The following CUL2 variants were observed in gnomAD, a reference collection of about 807,000 sequenced individuals.
CUL2 encodes the protein cullin-2.
In CUL2, 22 loss-of-function variants were observed where a neutral mutation model predicts 110.2. The observed-to-expected ratio is 0.20, with a 90% CI of 0.14 to 0.28. The LOEUF is 0.28. Ranked by LOEUF, CUL2 falls within the 10% of genes least tolerant of loss-of-function variation. The probability of loss-of-function intolerance (pLI) is 1.00; values close to 1 mark genes in which losing one functional copy is unlikely to be tolerated. For missense variants in CUL2, 631 were observed against 905.5 expected (o/e 0.70, Z 3.89); for synonymous variants, 279 against 293.2 (o/e 0.95, Z 0.49).
intron 1 of CUL2, among the ~76,000 whole-genome samples, chr10:35,122,725 C>A (rs1262606557): frequency 2.0e-5 from 3 of 152,166 alleles, no homozygotes; most frequent in Admixed American, 6.5e-5. Context: ...GCAACCTCCA[C>A]CCCCTGGGTT....
chr10:35,076,687 AT>A (rs1268419410), intron 1 of CUL2, among the ~76,000 whole-genome samples: 3 of 152,046 alleles, frequency 2.0e-5, no homozygotes, highest in East Asian at 3.8e-4. Flanking sequence ...TAAACATGGT[AT>A]TTTTTTCATC....
chr10:35,102,885 A>G (rs1012983951), intron 1 of CUL2, among the ~76,000 whole-genome samples: 2 of 131,422 alleles, frequency 1.5e-5, no homozygotes, highest in East Asian at 2.0e-4. Context: ...TCTGTCTCAG[A>G]AAAAAAAAAA....
At chr10:35,053,002 ACAGT>A (rs982252843) in intron 5 of CUL2, among the ~76,000 whole-genome samples, 1 of 152,198 alleles carries the variant, frequency 6.6e-6, no homozygotes, top group African/African-American at 2.4e-5. Flanking sequence ...AAAAAGACAG[ACAGT>A]AACAAATAAC....
chr10:35,049,421 T>G (rs1297689495), intron 6 of CUL2, among the ~76,000 whole-genome samples: 1 of 151,462 alleles, frequency 6.6e-6, no homozygotes, highest in Non-Finnish European at 1.5e-5. Context: ...GTCACTTCCC[T>G]CAGATACTTA....
rs541618047 is a variant in CUL2, at chr10:35,108,364, G to A, written c.-50-7304C>T. ...CCCAGCTACTTGGGAGGCTAAGGTG[G>A]GAGGATCACCTGAGCCCAGGAGGTT... is the stretch of plus-strand genomic sequence containing the variant. On this transcript the variant is annotated intron_variant, in intron 1 of 5. Transcript: ENST00000685421. Among the ~76,000 whole-genome samples the A allele has an allele frequency of 6.6e-5, 10 of 151,860 alleles. No individual in the cohort carries two copies. The East Asian group carries it at 1.9e-3, about 29-fold the overall frequency.
chr10:35,096,883 C>T (rs2087306919), intron 2 of CUL2, among the ~76,000 whole-genome samples: 1 of 150,290 alleles, frequency 6.7e-6, no homozygotes, highest in South Asian at 2.1e-4. Flanking sequence ...AATCTCAGCT[C>T]ACTGCAACCT....
Position 35,009,376 on chromosome 10 carries a change from T to C in CUL2, c.*935A>G, listed in dbSNP as rs1016149991. 2 of 151,860 alleles carry C rather than the reference T, an allele frequency of 1.3e-5. No homozygotes were observed. Among genetic ancestry groups the C allele is most frequent in the Admixed American group, 6.6e-5 (1 of 15,214 alleles). The allele number at this position is 151,860 out of a possible 1,614,324, so 9.4% of individuals were successfully genotyped here. A position where few individuals can be genotyped will look rare whatever the true frequency, so the allele number is the denominator to read the frequency against. ...AACTGTTGGAGGAGGGTTGTAAGGGTAACAGGTAGGGGAGGCATATAGAAG... is the reference window on the plus strand; with the variant it reads ...AACTGTTGGAGGAGGGTTGTAAGGGCAACAGGTAGGGGAGGCATATAGAAG... On this transcript the variant is annotated 3_prime_UTR_variant, in exon 21 of 21. Coordinates refer to ENST00000374749, the MANE Select transcript of CUL2 (RefSeq NM_003591.4).
At chr10:35,126,363 G>A (rs1176915865) in intron 1 of CUL2, among the ~76,000 whole-genome samples, 4 of 152,238 alleles carry the variant, frequency 2.6e-5, no homozygotes, top group Non-Finnish European at 5.9e-5. Flanking sequence ...TCAACCAGCT[G>A]TGACTGGCTG....
chr10:35,081,999 T>G (rs147082630), intron 1 of CUL2, among the ~76,000 whole-genome samples: 1 of 152,002 alleles, frequency 6.6e-6, no homozygotes, highest in Non-Finnish European at 1.5e-5. Flanking sequence ...ACACCTCCTG[T>G]TTACAATCCC....
intron 2 of CUL2, among the ~76,000 whole-genome samples, chr10:35,070,885 T>C (rs1423294261): frequency 5.3e-5 from 8 of 152,120 alleles, no homozygotes; most frequent in African/African-American, 9.7e-5. Context: ...GCAATGACAT[T>C]AGATTTTTTT....
intron 12 of CUL2, among the ~76,000 whole-genome samples, 188 bp downstream of exon 12, chr10:35,032,247 T>C (rs1428391961): frequency 1.3e-5 from 2 of 152,196 alleles, no homozygotes; most frequent in African/African-American, 4.8e-5. Context: ...CTTTGTAAAA[T>C]GGTTATTCTT....
At chr10:35,051,545 G>A (rs2086112015) in intron 5 of CUL2, among the ~76,000 whole-genome samples, 2 of 152,228 alleles carry the variant, frequency 1.3e-5, no homozygotes, top group African/African-American at 4.8e-5. Flanking sequence ...CCGGCCGGGC[G>A]GAGCCTGCAG....
At chr10:35,052,812 G>A (rs1300670407) in intron 5 of CUL2, among the ~76,000 whole-genome samples, 1 of 151,136 alleles carries the variant, frequency 6.6e-6, no homozygotes, top group Non-Finnish European at 1.5e-5. Flanking sequence ...GGAGACTAGT[G>A]TGAACCTGGG....
chr10:35,095,748 A>G (rs1283524772), intron 2 of CUL2, among the ~76,000 whole-genome samples: 1 of 152,068 alleles, frequency 6.6e-6, no homozygotes, highest in African/African-American at 2.4e-5. Context: ...TTTAGTAGAG[A>G]CAAGGTTTCA....
chr10:35,071,651 G>A (rs374482510), intron 1 of CUL2, among the ~76,000 whole-genome samples: 22 of 152,142 alleles, frequency 1.4e-4, no homozygotes, highest in East Asian at 9.6e-4. Flanking sequence ...CTCGTGATCC[G>A]CCCACCTTGG....
chr10:35,038,808 TA>T lies in CUL2; in HGVS notation c.877+111del, dbSNP rs1359605944. On this transcript the variant is annotated intron_variant, in intron 9 of 20. Coordinates refer to ENST00000374749, the MANE Select transcript of CUL2 (RefSeq NM_003591.4). ...TATTAATAATCTGTAAAAGGTTATT[TA>T]AAATATTTTAAAGACTATTACTAAA... 2.9e-4 allele frequency: 179 copies of T among 613,164 alleles called. No homozygotes were observed. The African/African-American group carries it at 2.9e-3, about 10-fold the overall frequency. The allele number at this position is 613,164 out of a possible 1,614,324, so 38.0% of individuals were successfully genotyped here. A position where few individuals can be genotyped will look rare whatever the true frequency, so the allele number is the denominator to read the frequency against.
intron 1 of CUL2, among the ~76,000 whole-genome samples, chr10:35,077,848 A>G (rs1345366824): frequency 2.0e-5 from 3 of 151,400 alleles, no homozygotes; most frequent in African/African-American, 7.3e-5. Flanking sequence ...AATAAAAATA[A>G]TATTAAAAAT....
Position 35,035,385 on chromosome 10 carries a change from C to A in CUL2, c.878-89G>T. On this transcript the variant is annotated intron_variant, in intron 9 of 20. Transcript: ENST00000374749. ...GATCCAAGTGCAGGAGTACAATATA[C>A]GGATCCAAGTGCAGAGCACCCAGAG... 5 of 1,425,808 alleles carry A rather than the reference C, an allele frequency of 3.5e-6. No individual in the cohort carries two copies. In the East Asian group the frequency reaches 9.5e-5, roughly 27 times the overall value. 88.3% of individuals were successfully genotyped at this position (1,425,808 alleles called of 1,614,324 possible). A position where few individuals can be genotyped will look rare whatever the true frequency, so the allele number is the denominator to read the frequency against.
chr10:35,117,469 A>G (rs1392832332), intron 1 of CUL2, among the ~76,000 whole-genome samples: 4 of 151,144 alleles, frequency 2.6e-5, no homozygotes, highest in Non-Finnish European at 5.9e-5. Context: ...AGCTCAAGCA[A>G]TTCTCCTGCC....
Sources: gnomAD v4.1 joint callset for allele counts (sites outside exome capture counted in the v4.1 genomes callset) on GRCh38, gnomAD v4.1.1 for gene constraint, MANE v1.5 for transcripts, NCBI Gene and HGNC (gene_info 2026-07-23, HGNC 2026-07-21) for gene names.